The following GAS6 variants were observed in gnomAD, a reference collection of about 807,000 sequenced individuals.
GAS6 encodes growth arrest-specific protein 6.
Under a neutral mutation model 75.8 loss-of-function variants are expected in GAS6, and 41 were observed. That is an observed-to-expected ratio of 0.54 (90% confidence interval 0.42 to 0.70). The LOEUF is 0.70. GAS6 is among the 30% of genes least tolerant of loss of function. GAS6 has a pLI of 0.00. For synonymous variants in GAS6, 432 were observed against 412.6 expected (o/e 1.05, Z -0.57); for missense variants, 854 against 940.2 (o/e 0.91, Z 1.20).
rs1179150012 is a variant in GAS6 at position 113,839,811 on chromosome 13, T to A, written c.383A>T (p.Lys128Met). 3 of 1,613,856 alleles carry A rather than the reference T, an allele frequency of 1.9e-6. No homozygotes were observed. The highest frequency in any genetic ancestry group is 1.3e-5 in the African/African-American group (1 of 74,928). Reference protein sequence around the residue: ...DQCTPNPCDRKGTQACQDLMG... With the variant: ...DQCTPNPCDRMGTQACQDLMG... ...GAGGTCCTGGCAGGCTTGGGTCCCC[T>A]TCCTATCGCAGGGGTTGGGCGTGCA... Residue 128 changes from lysine to methionine, a missense_variant, in exon 5 of 15, where the codon AAG (lysine) becomes ATG (methionine). Coordinates refer to ENST00000327773, the MANE Select transcript of GAS6 (RefSeq NM_000820.4).
At position 113,845,957 on chromosome 13, in the gene GAS6, C is replaced by T. The variant is rs12868833; in HGVS notation, c.343+570G>A. On this transcript the variant is annotated intron_variant, in intron 4 of 14. Coordinates refer to ENST00000327773, the MANE Select transcript of GAS6 (RefSeq NM_000820.4). The surrounding 1 kb of genome is among the most constrained non-coding windows in gnomAD (Gnocchi z 4.3). ...GGAACGCATCCCGCAGACACTCAGA[C>T]GTGTGGGAGGCAACAGGTGCATGAG... is the stretch of plus-strand genomic sequence containing the variant. Among the ~76,000 whole-genome samples the T allele has an allele frequency of 0.039, 6,003 of 152,284 alleles. 178 individuals carry two copies. Among genetic ancestry groups the T allele is most frequent in the Middle Eastern group, 0.099 (29 of 294 alleles).
intron 10 of GAS6, among the ~76,000 whole-genome samples, chr13:113,830,956 A>G (rs1321347503): frequency 6.6e-6 from 1 of 152,252 alleles, no homozygotes; most frequent in Admixed American, 6.5e-5. Flanking sequence ...CTCCTTTAAG[A>G]GGTTGGGAAA....
intron 14 of GAS6, chr13:113,821,546 C>A: frequency 4.2e-6 from 1 of 240,924 alleles, no homozygotes; most frequent in South Asian, 8.7e-5. Context: ...CACGGCAGGA[C>A]GCCCTGCTGG....
Position 113,820,933 on chromosome 13 carries a change from G to A in GAS6, c.1968C>T (p.Asp656=), listed in dbSNP as rs770666266. 22 of 1,612,438 alleles carry A rather than the reference G, an allele frequency of 1.4e-5. No individual in the cohort carries two copies. The highest frequency in any genetic ancestry group is 3.4e-4 in the Middle Eastern group (2 of 5,950). The change falls in exon 15 of 15, where the codon GAC becomes GAT. Residue 656 remains aspartate, a synonymous_variant. Coordinates refer to ENST00000327773, the MANE Select transcript of GAS6 (RefSeq NM_000820.4). The part of the protein sequence containing the change: ...LEVNRRLLDL[D]EAAYKHSDIT... ...TGTCGCTGTGCTTGTACGCCGCCTC[G>A]TCCAGGTCCAGCAGCCTCCGGTTGA...
intron 6 of GAS6, 45 bp from the exon 7 acceptor site, chr13:113,835,680 C>CA (rs1566362239): frequency 3.1e-6 from 5 of 1,601,758 alleles, no homozygotes; most frequent in Non-Finnish European, 4.3e-6. Context: ...AGCGGCATCT[C>CA]AGACGGGGCT....
At chr13:113,835,729 A>G (rs2051695055) in intron 6 of GAS6, 94 bp from the exon 7 acceptor site, 6 of 1,534,038 alleles carry the variant, frequency 3.9e-6, no homozygotes, top group Non-Finnish European at 5.2e-6. Flanking sequence ...GGCACCACCC[A>G]GAGGTCGCAT....
chr13:113,825,760 G>C (rs1022899546), intron 12 of GAS6, among the ~76,000 whole-genome samples: 13 of 152,250 alleles, frequency 8.5e-5, no homozygotes, highest in African/African-American at 3.1e-4. Context: ...AGTCCAGCCA[G>C]TGGCAGATGG....
chr13:113,843,722 T>A (rs1254652614), intron 4 of GAS6: 1 of 151,178 alleles, frequency 6.6e-6, no homozygotes, highest in Non-Finnish European at 1.5e-5. Flanking sequence ...GCCGCCTGGG[T>A]CCTGGGACAG....
chr13:113,823,658 G>A lies in GAS6; in HGVS notation c.1478-108C>T, dbSNP rs545444776. ...AGTCCCAGCCGGGGTGGGAAGCTGT[G>A]CAGACAGCCCCGGATCTGGGACGTG... is the stretch of plus-strand genomic sequence containing the variant. On this transcript the variant is annotated intron_variant, in intron 12 of 14. Transcript: ENST00000327773. 3.6e-4 allele frequency: 400 copies of A among 1,105,824 alleles called. 2 individuals carry two copies. Among genetic ancestry groups the A allele is most frequent in the Middle Eastern group, 4.2e-4 (2 of 4,726 alleles). The allele number at this position is 1,105,824 out of a possible 1,614,324, so 68.5% of individuals were successfully genotyped here. A position where few individuals can be genotyped will look rare whatever the true frequency, so the allele number is the denominator to read the frequency against.
At chr13:113,821,331 G>T (rs187859900) in intron 14 of GAS6, 1 of 392,106 alleles carries the variant, frequency 2.6e-6, no homozygotes, top group Non-Finnish European at 4.7e-6. Flanking sequence ...CTCCTGGCTC[G>T]CTCTCATCCT....
intron 6 of GAS6, chr13:113,835,976 G>C: frequency 1.9e-6 from 2 of 1,077,634 alleles, no homozygotes; most frequent in Non-Finnish European, 1.1e-6. Context: ...GCCGTAAAAA[G>C]TAACCCCCCG....
Position 113,825,638 on chromosome 13 carries a change from G to A in GAS6, c.1477+1358C>T, listed in dbSNP as rs1292775631. Among the ~76,000 whole-genome samples the A allele has an allele frequency of 2.0e-5, 3 of 152,228 alleles. No individual in the cohort carries two copies. In the East Asian group the frequency reaches 5.8e-4, roughly 29 times the overall value. ...CCCTGAGAAATGTGTATGATATTAA[G>A]TGGAAAAAGGATTTAAGCATTTCAT... On this transcript the variant is annotated intron_variant, in intron 12 of 14. Transcript: ENST00000327773.
At chr13:113,861,358 A>T (rs968419077) in intron 2 of GAS6, among the ~76,000 whole-genome samples, 1 of 152,116 alleles carries the variant, frequency 6.6e-6, no homozygotes, top group African/African-American at 2.4e-5. Flanking sequence ...ACACATCAGG[A>T]TCCTGGGCCT....
chr13:113,834,543 C>A lies in GAS6; in HGVS notation c.834+8G>T, dbSNP rs775505398. On this transcript the variant is annotated splice_region_variant and intron_variant, in intron 8 of 14. Transcript: ENST00000327773. The stretch of plus-strand genomic sequence containing the variant: ...CGTGAAGGGCCCGCGGGGCCAGGGG[C>A]CGCCTACCTCACAGGTGTCCATGTC... 6.4e-7 allele frequency: 1 copy of A among 1,555,274 alleles called. No homozygotes were observed. The highest frequency in any genetic ancestry group is 8.7e-7 in the Non-Finnish European group (1 of 1,154,002).
chr13:113,847,866 T>C (rs1229990194), intron 3 of GAS6, 160 bp downstream of exon 3: 3 of 705,746 alleles, frequency 4.3e-6, no homozygotes, highest in Non-Finnish European at 7.5e-6. Flanking sequence ...GAGAGAAACT[T>C]GTGTTTCTGA....
rs368616028 is a variant in GAS6 at position 113,835,655 on chromosome 13, G to A, written c.590-20C>T. ...CTATGTCTGCAAGCAAAAAAAAACC[G>A]GCCAACCGCAGCACAGCGGCATCTC... On this transcript the variant is annotated intron_variant, in intron 6 of 14. Transcript: ENST00000327773. 1.6e-5 allele frequency: 26 copies of A among 1,608,866 alleles called. No individual in the cohort carries two copies. The highest frequency in any genetic ancestry group is 2.0e-4 in the Middle Eastern group (1 of 5,084).
At chr13:113,847,020 C>G (rs752602179) in intron 3 of GAS6, 2 of 508,008 alleles carry the variant, frequency 3.9e-6, no homozygotes, top group Admixed American at 2.0e-5. Context: ...GCTGGCTGAA[C>G]ACAGCTTGAC....
intron 2 of GAS6, among the ~76,000 whole-genome samples, chr13:113,850,216 G>A (rs1198615386): frequency 1.3e-5 from 2 of 152,056 alleles, no homozygotes; most frequent in African/African-American, 4.8e-5. Context: ...TCCCACCCCT[G>A]TCTGCACTAC....
At chr13:113,833,075 G>C (rs1056600174) in intron 8 of GAS6, 2 of 1,240,100 alleles carry the variant, frequency 1.6e-6, no homozygotes, top group African/African-American at 1.5e-5. Context: ...TCATTAAAAA[G>C]TATACACTAT....
Sources: gnomAD v4.1 joint callset for allele counts (sites outside exome capture counted in the v4.1 genomes callset) on GRCh38, gnomAD v4.1.1 for gene constraint, Gnocchi (gnomAD v3.1) non-coding constraint, MANE v1.5 for transcripts, NCBI Gene and HGNC (gene_info 2026-07-23, HGNC 2026-07-21) for gene names.